The following SERGEF variants were observed in gnomAD, a reference collection of about 807,000 sequenced individuals.
SERGEF encodes the protein secretion-regulating guanine nucleotide exchange factor.
In SERGEF, 51 loss-of-function variants were observed where a neutral mutation model predicts 50.0. That is an observed-to-expected ratio of 1.02 (90% CI 0.81 to 1.29). The LOEUF (loss-of-function observed/expected upper bound fraction) is 1.29, where lower values mean the gene tolerates loss of function less well. Ranked by LOEUF, SERGEF falls within the 50% of genes most tolerant of loss-of-function variation. The probability of loss-of-function intolerance (pLI) is 0.00; values close to 1 mark genes in which losing one functional copy is unlikely to be tolerated. For missense variants in SERGEF, 521 were observed against 557.0 expected (o/e 0.94, Z 0.65); for synonymous variants, 205 against 212.4 (o/e 0.97, Z 0.30).
chr11:17,818,696 A>C (rs1397200971), intron 10 of SERGEF, among the ~76,000 whole-genome samples: 2 of 152,148 alleles, frequency 1.3e-5, no homozygotes, highest in African/African-American at 2.4e-5. Context: ...AAAGGCAATG[A>C]TCTTTCTAAA....
chr11:17,975,178 A>G (rs1565220290), intron 8 of SERGEF, among the ~76,000 whole-genome samples: 1 of 152,244 alleles, frequency 6.6e-6, no homozygotes, highest in Non-Finnish European at 1.5e-5. Context: ...CATTGAGCGA[A>G]GCAAGGCTAA....
chr11:17,846,110 G>T (rs1263348931), intron 10 of SERGEF, among the ~76,000 whole-genome samples: 1 of 152,182 alleles, frequency 6.6e-6, no homozygotes, highest in East Asian at 1.9e-4. Flanking sequence ...CTCTCTAGCT[G>T]GGGAGACAGA....
chr11:17,853,373 A>C (rs1214214713), intron 10 of SERGEF, among the ~76,000 whole-genome samples: 1 of 152,084 alleles, frequency 6.6e-6, no homozygotes, highest in Non-Finnish European at 1.5e-5. Flanking sequence ...GTATTTCCCA[A>C]GGCACCACAC....
chr11:17,788,483 G>T (rs1373684260), intron 10 of SERGEF, 70 bp from the exon 11 acceptor site: 1 of 1,329,416 alleles, frequency 7.5e-7, no homozygotes, highest in Non-Finnish European at 1.0e-6. Flanking sequence ...CACCCTGAGG[G>T]TACAGGTATC....
chr11:17,824,387 C>A (rs780701206), intron 10 of SERGEF, among the ~76,000 whole-genome samples: 1 of 151,864 alleles, frequency 6.6e-6, no homozygotes, highest in Non-Finnish European at 1.5e-5. Context: ...TTGAGAAAAT[C>A]TTGAAGACAA....
chr11:17,802,799 C>T (rs1402260395), intron 10 of SERGEF, among the ~76,000 whole-genome samples: 1 of 151,778 alleles, frequency 6.6e-6, no homozygotes, highest in Non-Finnish European at 1.5e-5. Flanking sequence ...TCTCAGAGGG[C>T]CTTCCCTGAT....
rs1299202300 is a variant in SERGEF, at chr11:17,991,656, A to G, written c.685+1275T>C. On this transcript the variant is annotated intron_variant, in intron 7 of 10. Coordinates refer to ENST00000265965, the MANE Select transcript of SERGEF (RefSeq NM_012139.4). This position sits in a 1 kb window ranked among gnomAD's most constrained non-coding sequence, Gnocchi z 4.9. ...TACCTAATGTGAGACACAAGTTAAA[A>G]GTAGGTGCTTTTTTATTAGATGTTT... 6.6e-6 allele frequency among the ~76,000 whole-genome samples: 1 copy of G among 152,252 alleles called. No homozygotes were observed. Among genetic ancestry groups the G allele is most frequent in the African/African-American group, 2.4e-5 (1 of 41,472 alleles).
At chr11:17,906,840 A>AAC (rs1851853585) in intron 9 of SERGEF, among the ~76,000 whole-genome samples, 1 of 151,748 alleles carries the variant, frequency 6.6e-6, no homozygotes, top group African/African-American at 2.4e-5. Context: ...AAAAAAAAAA[A>AAC]AACCTCAGGG....
chr11:17,968,467 T>A (rs1853176072), intron 8 of SERGEF, among the ~76,000 whole-genome samples: 1 of 152,020 alleles, frequency 6.6e-6, no homozygotes, highest in South Asian at 2.1e-4. Context: ...AGTGGGAGGA[T>A]CACTTGAGCC....
At chr11:17,831,983 T>A (rs545067960) in intron 10 of SERGEF, among the ~76,000 whole-genome samples, 1 of 152,236 alleles carries the variant, frequency 6.6e-6, no homozygotes, top group Non-Finnish European at 1.5e-5. Context: ...CCCCAGAGCA[T>A]AGGTTTCATC....
At chr11:17,934,853 AT>A (rs1326963389) in intron 9 of SERGEF, among the ~76,000 whole-genome samples, 5 of 152,236 alleles carry the variant, frequency 3.3e-5, no homozygotes, top group Admixed American at 2.6e-4. Context: ...ACCACGTCAC[AT>A]CTTTTTTTCA....
At chr11:17,937,435 G>A in intron 9 of SERGEF, among the ~76,000 whole-genome samples, 1 of 152,100 alleles carries the variant, frequency 6.6e-6, no homozygotes, top group Non-Finnish European at 1.5e-5. Flanking sequence ...TACTTGGGAG[G>A]CTGAGGCATG....
intron 9 of SERGEF, chr11:17,926,995 C>T (rs148926234): frequency 0.017 from 6,326 of 373,384 alleles, 76 homozygotes; most frequent in Non-Finnish European, 0.027. Context: ...TCACCATGTT[C>T]TTTGGCTGCT....
intron 7 of SERGEF, among the ~76,000 whole-genome samples, chr11:17,989,811 G>A (rs1278436119): frequency 1.3e-5 from 2 of 152,206 alleles, no homozygotes; most frequent in African/African-American, 4.8e-5. Context: ...GGACTGCAAA[G>A]ACTTAGTGCA....
At chr11:17,871,878 A>G (rs1851143033) in intron 10 of SERGEF, among the ~76,000 whole-genome samples, 1 of 152,216 alleles carries the variant, frequency 6.6e-6, no homozygotes, top group Non-Finnish European at 1.5e-5. Context: ...ACTGTTGCGC[A>G]GTATTTACTA....
intron 9 of SERGEF, chr11:17,926,793 G>C (rs927360567): frequency 2.2e-6 from 1 of 456,100 alleles, no homozygotes; most frequent in African/African-American, 2.0e-5. Context: ...AGGGCCTCCT[G>C]AGACCAGAGC....
At chr11:17,814,171 A>G (rs541018529) in intron 10 of SERGEF, among the ~76,000 whole-genome samples, 81 of 152,372 alleles carry the variant, frequency 5.3e-4, no homozygotes, top group South Asian at 1.4e-3. Context: ...TTGATCAAAC[A>G]CTAGTGTAGA....
In SERGEF at chr11:17,896,791, G is replaced by C. The variant is rs181573888; in HGVS notation, c.1012-18547C>G. Among the ~76,000 whole-genome samples, 58 of 109,174 alleles carry C rather than the reference G, an allele frequency of 5.3e-4. No individual in the cohort carries two copies. In the East Asian group the frequency reaches 6.9e-3, roughly 13 times the overall value. 71.6% of individuals were successfully genotyped at this position (109,174 alleles called of 152,430 possible). ...AAGGGTAAGGGAAGGGTAAGGGAAG[G>C]GTAAGGGAAGGGTAAGGGAAGGGTA... is the stretch of plus-strand genomic sequence containing the variant. On this transcript the variant is annotated intron_variant, in intron 9 of 10. Transcript: ENST00000265965.
intron 10 of SERGEF, among the ~76,000 whole-genome samples, chr11:17,821,640 T>G (rs1346045894): frequency 6.6e-6 from 1 of 152,210 alleles, no homozygotes; most frequent in East Asian, 1.9e-4. Flanking sequence ...ACCTATAAAA[T>G]TATCCTTCAA....
Sources: allele counts gnomAD v4.1 joint callset (sites outside exome capture counted in the v4.1 genomes callset), GRCh38; gene constraint gnomAD v4.1.1; non-coding constraint Gnocchi (gnomAD v3.1); transcripts MANE v1.5; gene names NCBI Gene and HGNC (gene_info 2026-07-23, HGNC 2026-07-21).